Variants in THEM4 observed in about 807,000 individuals in gnomAD.
THEM4 encodes thioesterase superfamily member 4, also known as acyl-coenzyme A thioesterase THEM4.
THEM4 carries 22 observed loss-of-function variants against 25.0 expected under a neutral mutation model. The observed-to-expected ratio is 0.88, with a 90% confidence interval of 0.63 to 1.26. The LOEUF is 1.26. Ranked by LOEUF, THEM4 falls within the 50% of genes most tolerant of loss-of-function variation. The pLI, the probability that THEM4 is intolerant of heterozygous loss-of-function variation, is 0.00. For missense variants in THEM4, 286 were observed against 300.3 expected (o/e 0.95, Z 0.35); for synonymous variants, 113 against 105.6 (o/e 1.07, Z -0.43).
At chr1:151,901,246 A>G (rs1654345746) in intron 1 of THEM4, among the ~76,000 whole-genome samples, 1 of 152,216 alleles carries the variant, frequency 6.6e-6, no homozygotes, top group Admixed American at 6.5e-5. Flanking sequence ...TAGGGTCTCC[A>G]TAACTGAGCT....
At chr1:151,882,329 T>C (rs113033606) in intron 4 of THEM4, among the ~76,000 whole-genome samples, 4 of 148,046 alleles carry the variant, frequency 2.7e-5, no homozygotes, top group Non-Finnish European at 5.9e-5. Flanking sequence ...TGAGCCAAGA[T>C]TGCACCACTG....
chr1:151,904,820 T>G (rs189156562), intron 1 of THEM4, among the ~76,000 whole-genome samples: 1 of 151,892 alleles, frequency 6.6e-6, no homozygotes, highest in Non-Finnish European at 1.5e-5. Context: ...CTAGGGTGAA[T>G]AGAATGAAAA....
rs1164310276 is a variant in THEM4, at chr1:151,872,855, A to G, written c.*2033T>C. ...TGGGTATTGTCCAAGGTTTCCCCCCACTGAGACAGCCTGAGATATGGCCTC... is the reference window on the plus strand; with the variant it reads ...TGGGTATTGTCCAAGGTTTCCCCCCGCTGAGACAGCCTGAGATATGGCCTC... On this transcript the variant is annotated 3_prime_UTR_variant, in exon 6 of 6. Transcript: ENST00000368814. 6.6e-6 allele frequency among the ~76,000 whole-genome samples: 1 copy of G among 152,104 alleles called. No homozygotes were observed. The highest frequency in any genetic ancestry group is 1.5e-5 in the Non-Finnish European group (1 of 68,018).
intron 2 of THEM4, among the ~76,000 whole-genome samples, chr1:151,893,874 G>A (rs921637959): frequency 6.6e-6 from 1 of 150,894 alleles, no homozygotes; most frequent in Non-Finnish European, 1.5e-5. Context: ...TTTTTTTGTA[G>A]GGGGGGAGAC....
At chr1:151,894,688 T>G in intron 2 of THEM4, 1 of 511,600 alleles carries the variant, frequency 2.0e-6, no homozygotes, top group Non-Finnish European at 3.4e-6. Context: ...GGATAAAGGG[T>G]GAAATGAGAT....
At chr1:151,894,677 G>A (rs1011482805) in intron 2 of THEM4, among the ~76,000 whole-genome samples, 1 of 152,086 alleles carries the variant, frequency 6.6e-6, no homozygotes, top group Non-Finnish European at 1.5e-5. Context: ...AACCAGATAT[G>A]GGATAAAGGG....
At chr1:151,901,057 G>A (rs1654340865) in intron 1 of THEM4, among the ~76,000 whole-genome samples, 1 of 152,306 alleles carries the variant, frequency 6.6e-6, no homozygotes, top group South Asian at 2.1e-4. Flanking sequence ...TTTCCCCTAA[G>A]GAATACTTTT....
At chr1:151,893,987 G>A (rs578170331) in intron 2 of THEM4, among the ~76,000 whole-genome samples, 2 of 152,080 alleles carry the variant, frequency 1.3e-5, no homozygotes, top group Non-Finnish European at 2.9e-5. Context: ...AGCCTCCCAA[G>A]TAGCTGGAAT....
intron 3 of THEM4, among the ~76,000 whole-genome samples, chr1:151,888,760 C>T (rs932552016): frequency 2.6e-5 from 4 of 152,062 alleles, no homozygotes; most frequent in Admixed American, 1.3e-4. Context: ...CCCAGGAGTT[C>T]GAGGCTGCAG....
rs1056830283 is a variant in THEM4 at position 151,909,490 on chromosome 1, G to T, written c.-32C>A. Reference sequence around the variant, plus strand: ...GGGCCGCGGGGCCGCGCTTGCTCTAGCCCTGGACGGCGCACTCTACCTCCG... The same window carrying T: ...GGGCCGCGGGGCCGCGCTTGCTCTATCCCTGGACGGCGCACTCTACCTCCG... On this transcript the variant is annotated 5_prime_UTR_variant, in exon 1 of 6. Coordinates refer to ENST00000368814, the MANE Select transcript of THEM4 (RefSeq NM_053055.5). The T allele has an allele frequency of 3.7e-6, 5 of 1,345,466 alleles. No individual in the cohort carries two copies. The highest frequency in any genetic ancestry group is 1.8e-5 in the South Asian group (1 of 55,394). The allele number at this position is 1,345,466 out of a possible 1,614,324, so 83.3% of individuals were successfully genotyped here. A position where few individuals can be genotyped will look rare whatever the true frequency, so the allele number is the denominator to read the frequency against.
intron 1 of THEM4, among the ~76,000 whole-genome samples, chr1:151,904,081 TG>T (rs1654407512): frequency 6.6e-6 from 1 of 151,882 alleles, no homozygotes; most frequent in Non-Finnish European, 1.5e-5. Flanking sequence ...AATGATGGAG[TG>T]ATTTCCTACG....
At chr1:151,897,569 C>T (rs1021689880) in intron 1 of THEM4, among the ~76,000 whole-genome samples, 7 of 152,168 alleles carry the variant, frequency 4.6e-5, no homozygotes, top group African/African-American at 1.4e-4. Context: ...ATTGTAGGAA[C>T]ATAATACGTG....
intron 4 of THEM4, among the ~76,000 whole-genome samples, chr1:151,881,600 C>G (rs4845388): frequency 6.6e-6 from 1 of 152,126 alleles, no homozygotes; most frequent in Middle Eastern, 3.2e-3. Flanking sequence ...GATTTTAGAT[C>G]GACATTTTCT....
At chr1:151,887,593 C>T (rs925609325) in intron 4 of THEM4, among the ~76,000 whole-genome samples, 1 of 151,892 alleles carries the variant, frequency 6.6e-6, no homozygotes, top group Non-Finnish European at 1.5e-5. Context: ...ACATCTGTGC[C>T]TGTGGACTGA....
At chr1:151,880,185 A>G (rs997534574) in intron 4 of THEM4, among the ~76,000 whole-genome samples, 3 of 151,598 alleles carry the variant, frequency 2.0e-5, no homozygotes, top group Non-Finnish European at 2.9e-5. Context: ...TGACCTATCA[A>G]TAATTGAGAA....
chr1:151,882,051 C>A (rs1417082907), intron 4 of THEM4, among the ~76,000 whole-genome samples: 1 of 151,544 alleles, frequency 6.6e-6, no homozygotes, highest in East Asian at 1.9e-4. Context: ...CTCTCTCTCT[C>A]TGCTAAACAT....
At chr1:151,902,033 C>T (rs192115816) in intron 1 of THEM4, among the ~76,000 whole-genome samples, 2 of 152,222 alleles carry the variant, frequency 1.3e-5, no homozygotes, top group African/African-American at 4.8e-5. Context: ...TAAATGCCTA[C>T]CTCAAAAAGT....
At chr1:151,887,630 G>GT (rs1446480715) in intron 4 of THEM4, among the ~76,000 whole-genome samples, 1 of 151,880 alleles carries the variant, frequency 6.6e-6, no homozygotes, top group Non-Finnish European at 1.5e-5. Context: ...GTGTGTGTGT[G>GT]TGTGTTTTTG....
intron 2 of THEM4, among the ~76,000 whole-genome samples, chr1:151,893,407 A>AC (rs1427402693): frequency 9.0e-6 from 1 of 110,536 alleles, no homozygotes; most frequent in African/African-American, 3.7e-5. Context: ...AAACAACAAA[A>AC]CAAAAAAACC....
Sources: allele counts gnomAD v4.1 joint callset (sites outside exome capture counted in the v4.1 genomes callset), GRCh38; gene constraint gnomAD v4.1.1; transcripts MANE v1.5; gene names NCBI Gene and HGNC (gene_info 2026-07-23, HGNC 2026-07-21).